Variants in PTCHD4 observed in about 807,000 individuals in gnomAD.
The protein encoded by PTCHD4 is patched domain-containing protein 4.
A neutral mutation model predicts 58.1 loss-of-function variants in PTCHD4; 33 were observed. That is an observed-to-expected ratio of 0.57 (90% CI 0.43 to 0.76). The LOEUF is 0.76. Among genes scored for constraint, PTCHD4 ranks in the 30% least tolerant of loss-of-function variants. The pLI, the probability that PTCHD4 is intolerant of heterozygous loss-of-function variation, is 0.00. For missense variants in PTCHD4, 1,058 were observed against 1,027.1 expected, an observed-to-expected ratio of 1.03 and a Z score of -0.41; for synonymous variants, 478 against 409.6, an observed-to-expected ratio of 1.17 and a Z score of -2.02.
intron 4 of PTCHD4, among the ~76,000 whole-genome samples, chr6:47,884,515 C>A (rs748921613): frequency 1.1e-4 from 16 of 152,178 alleles, no homozygotes; most frequent in Non-Finnish European, 1.8e-4. Context: ...ACACTGGTGG[C>A]CCACCAATTC....
rs1257588007 is a variant in PTCHD4, at chr6:47,868,545, A to G, written c.*9758T>C. On this transcript the variant is annotated 3_prime_UTR_variant, in exon 5 of 5. Transcript: ENST00000339488. Reference sequence around the variant, plus strand: ...TCTTCACTGAATGGATAATTACTGAACGTCTGCAAAGCAGACATTGTGTGC... The same window carrying G: ...TCTTCACTGAATGGATAATTACTGAGCGTCTGCAAAGCAGACATTGTGTGC... Among the ~76,000 whole-genome samples, 2 of 151,820 alleles carry G rather than the reference A, an allele frequency of 1.3e-5. No individual in the cohort carries two copies. The highest frequency in any genetic ancestry group is 3.9e-4 in the East Asian group (2 of 5,154).
At chr6:47,908,885 G>A (rs76906568) in intron 4 of PTCHD4, among the ~76,000 whole-genome samples, 1,620 of 152,112 alleles carry the variant, frequency 0.011, 34 homozygotes, top group African/African-American at 0.037. Flanking sequence ...CTAATGATCC[G>A]TTTGAAAAGA....
intron 3 of PTCHD4, among the ~76,000 whole-genome samples, chr6:48,012,527 G>T (rs1389442194): frequency 2.6e-5 from 4 of 152,044 alleles, no homozygotes; most frequent in African/African-American, 4.8e-5. Context: ...AAACAGAAAC[G>T]ATTTGACTTC....
intron 4 of PTCHD4, among the ~76,000 whole-genome samples, chr6:47,938,926 A>G (rs1766109512): frequency 6.6e-6 from 1 of 152,186 alleles, no homozygotes; most frequent in South Asian, 2.1e-4. Flanking sequence ...GATAGAATCA[A>G]TGTACTGGAG....
At chr6:47,998,367 A>T (rs1480934664) in intron 4 of PTCHD4, among the ~76,000 whole-genome samples, 1 of 152,222 alleles carries the variant, frequency 6.6e-6, no homozygotes, top group Non-Finnish European at 1.5e-5. Context: ...CAAGAGCAGC[A>T]CATATTGAAC....
At chr6:47,977,782 T>G (rs1460835352) in intron 4 of PTCHD4, among the ~76,000 whole-genome samples, 1 of 152,206 alleles carries the variant, frequency 6.6e-6, no homozygotes, top group Non-Finnish European at 1.5e-5. Flanking sequence ...ATTCCATATC[T>G]TGAAGTTTTT....
At chr6:47,917,036 C>T (rs916197969) in intron 4 of PTCHD4, among the ~76,000 whole-genome samples, 15 of 151,982 alleles carry the variant, frequency 9.9e-5, no homozygotes, top group African/African-American at 3.6e-4. Flanking sequence ...TATAAAGTAA[C>T]ATATAGTGGA....
intron 4 of PTCHD4, among the ~76,000 whole-genome samples, chr6:47,984,859 T>C (rs1037351561): frequency 3.3e-5 from 5 of 152,050 alleles, no homozygotes; most frequent in African/African-American, 1.2e-4. Flanking sequence ...AATCCAAAGG[T>C]ACAAAAAGCA....
rs1374571130 is a variant in PTCHD4, at chr6:47,862,338, A to T, written c.*15965T>A. Among the ~76,000 whole-genome samples, 2 of 151,518 alleles carry T rather than the reference A, an allele frequency of 1.3e-5. No homozygotes were observed. Among genetic ancestry groups the T allele is most frequent in the Non-Finnish European group, 1.5e-5 (1 of 67,728 alleles). ...TACAACCATTTTCAACACATACTAA[A>T]TTTTTTTTGTAGGCTGCTTTCCCCC... On this transcript the variant is annotated 3_prime_UTR_variant, in exon 5 of 5. Transcript: ENST00000339488.
intron 3 of PTCHD4, among the ~76,000 whole-genome samples, chr6:48,049,491 A>C (rs565792209): frequency 2.6e-5 from 4 of 151,978 alleles, no homozygotes; most frequent in African/African-American, 9.6e-5. Flanking sequence ...TTGATTTACT[A>C]CCCAAGTGAG....
intron 3 of PTCHD4, among the ~76,000 whole-genome samples, chr6:48,014,991 C>T (rs1762817874): frequency 6.6e-6 from 1 of 152,158 alleles, no homozygotes. Context: ...GTCGTCCTCT[C>T]CACTAAGGCA....
chr6:48,050,221 T>C (rs1764181763), intron 3 of PTCHD4, among the ~76,000 whole-genome samples: 1 of 151,932 alleles, frequency 6.6e-6, no homozygotes, highest in Non-Finnish European at 1.5e-5. Flanking sequence ...AGAAATTCGA[T>C]CAATTACATG....
At position 47,864,144 on chromosome 6, in the gene PTCHD4, T is replaced by A. The variant is rs1418984558; in HGVS notation, c.*14159A>T. Among the ~76,000 whole-genome samples, 2 of 151,888 alleles carry A rather than the reference T, an allele frequency of 1.3e-5. No individual in the cohort carries two copies. The highest frequency in any genetic ancestry group is 2.9e-5 in the Non-Finnish European group (2 of 67,894). On this transcript the variant is annotated 3_prime_UTR_variant, in exon 5 of 5. Coordinates refer to ENST00000339488, the MANE Select transcript of PTCHD4 (RefSeq NM_001384253.1). Reference sequence around the variant, plus strand: ...GTAGCATTAGCATCACCTGAAAACTTGTTAGAAATGTAAATTTTCAGGCCT... The same window carrying A: ...GTAGCATTAGCATCACCTGAAAACTAGTTAGAAATGTAAATTTTCAGGCCT...
Position 47,874,367 on chromosome 6 carries a change from T to C in PTCHD4, c.*3936A>G, listed in dbSNP as rs1001694899. ...ATAAAAGTTGCAATAACCCTGAAAA[T>C]AGTGTCTTTAATAACCTATGTACTA... On this transcript the variant is annotated 3_prime_UTR_variant, in exon 5 of 5. Coordinates refer to ENST00000339488, the MANE Select transcript of PTCHD4 (RefSeq NM_001384253.1). Among the ~76,000 whole-genome samples the C allele has an allele frequency of 1.3e-5, 2 of 151,816 alleles. No individual in the cohort carries two copies. Among genetic ancestry groups the C allele is most frequent in the Admixed American group, 1.3e-4 (2 of 15,194 alleles).
chr6:47,931,200 C>T (rs1765809165), intron 4 of PTCHD4, among the ~76,000 whole-genome samples: 1 of 152,254 alleles, frequency 6.6e-6, no homozygotes, highest in South Asian at 2.1e-4. Flanking sequence ...CTGCTTAGCA[C>T]TCCCCATTCA....
intron 3 of PTCHD4, among the ~76,000 whole-genome samples, chr6:48,056,547 T>C (rs1265524759): frequency 6.6e-6 from 1 of 152,216 alleles, no homozygotes; most frequent in Non-Finnish European, 1.5e-5. Flanking sequence ...GAAATCTTAA[T>C]TGAGTGTACT....
intron 4 of PTCHD4, among the ~76,000 whole-genome samples, chr6:47,891,090 C>T (rs187805006): frequency 1.4e-4 from 21 of 148,748 alleles, no homozygotes; most frequent in South Asian, 6.5e-4. Flanking sequence ...AGTGTGGTGG[C>T]GCATGCCTGT....
chr6:47,981,453 A>C (rs1035815475), intron 4 of PTCHD4, among the ~76,000 whole-genome samples: 1 of 148,448 alleles, frequency 6.7e-6, no homozygotes. Context: ...CTTTGTGGTC[A>C]TTTTTCACAT....
intron 4 of PTCHD4, among the ~76,000 whole-genome samples, chr6:47,963,600 A>T (rs915869398): frequency 6.6e-6 from 1 of 152,206 alleles, no homozygotes; most frequent in Non-Finnish European, 1.5e-5. Context: ...CTGTGGACAG[A>T]TGAGTGGATA....
Sources: allele counts gnomAD v4.1 joint callset (sites outside exome capture counted in the v4.1 genomes callset), GRCh38; gene constraint gnomAD v4.1.1; transcripts MANE v1.5; gene names NCBI Gene and HGNC (gene_info 2026-07-23, HGNC 2026-07-21).